KHDRBS2: variants seen among roughly 807,000 people sequenced by gnomAD.
KHDRBS2 encodes KH RNA binding domain containing, signal transduction associated 2, also known as KH domain-containing, RNA-binding, signal transduction-associated protein 2.
KHDRBS2 carries 26 observed loss-of-function variants against 44.3 expected under a neutral mutation model. That is an observed-to-expected ratio of 0.59 (90% CI 0.43 to 0.81). The LOEUF is 0.81. KHDRBS2 is among the 40% of genes least tolerant of loss of function. The probability of loss-of-function intolerance (pLI) is 0.00; values close to 1 mark genes in which losing one functional copy is unlikely to be tolerated. For synonymous variants in KHDRBS2, 194 were observed against 151.1 expected, an observed-to-expected ratio of 1.28 and a Z score of -2.08; for missense variants, 476 against 433.1, an observed-to-expected ratio of 1.10 and a Z score of -0.88.
At chr6:62,151,226 C>T (rs1391102568) in intron 2 of KHDRBS2, among the ~76,000 whole-genome samples, 1 of 152,118 alleles carries the variant, frequency 6.6e-6, no homozygotes, top group East Asian at 1.9e-4. Context: ...CATAAGAACA[C>T]AAGGCTAAAA....
chr6:61,678,406 G>A (rs1936661923), downstream of KHDRBS2, among the ~76,000 whole-genome samples: 1 of 151,968 alleles, frequency 6.6e-6, no homozygotes, highest in Admixed American at 6.6e-5. Flanking sequence ...TTACTGATCA[G>A]TCTAATGGGA....
chr6:61,877,706 A>G (rs1332478855), intron 6 of KHDRBS2, among the ~76,000 whole-genome samples: 5 of 151,940 alleles, frequency 3.3e-5, no homozygotes, highest in African/African-American at 1.2e-4. Context: ...GGTGTAAAAA[A>G]CCACTGTGTT....
At chr6:61,691,576 G>T (rs1380740718) in intron 8 of KHDRBS2, among the ~76,000 whole-genome samples, 1 of 151,838 alleles carries the variant, frequency 6.6e-6, no homozygotes, top group African/African-American at 2.4e-5. Context: ...TAAATTATTT[G>T]CATATATTAT....
chr6:61,771,679 T>C (rs1161601814), intron 6 of KHDRBS2, among the ~76,000 whole-genome samples: 1 of 152,156 alleles, frequency 6.6e-6, no homozygotes, highest in African/African-American at 2.4e-5. Context: ...GCACCCAGAT[T>C]CATAAAGCAA....
intron 7 of KHDRBS2, among the ~76,000 whole-genome samples, chr6:61,719,528 A>T (rs1772008289): frequency 6.6e-6 from 1 of 152,124 alleles, no homozygotes; most frequent in African/African-American, 2.4e-5. Flanking sequence ...AAAGGTGTTA[A>T]TCCCAGGATG....
chr6:62,041,402 T>C (rs749082520), intron 3 of KHDRBS2, among the ~76,000 whole-genome samples: 15 of 152,104 alleles, frequency 9.9e-5, no homozygotes, highest in Non-Finnish European at 2.1e-4. Flanking sequence ...CCATCCTCAG[T>C]GGTAGAAAAG....
At chr6:62,259,071 G>T (rs1245735718) in intron 1 of KHDRBS2, among the ~76,000 whole-genome samples, 1 of 151,996 alleles carries the variant, frequency 6.6e-6, no homozygotes, top group Non-Finnish European at 1.5e-5. Context: ...AGCAAAAGAG[G>T]ATGTATTTCA....
chr6:61,999,733 A>G (rs946280825), intron 3 of KHDRBS2, among the ~76,000 whole-genome samples: 1 of 152,142 alleles, frequency 6.6e-6, no homozygotes, highest in African/African-American at 2.4e-5. Context: ...AAAGCCAGAG[A>G]AAAGCTGTTA....
At chr6:61,999,954 A>C (rs1417095839) in intron 3 of KHDRBS2, among the ~76,000 whole-genome samples, 1 of 152,200 alleles carries the variant, frequency 6.6e-6, no homozygotes, top group Non-Finnish European at 1.5e-5. Flanking sequence ...TCCCACTACT[A>C]TAATAGCAAA....
At chr6:61,795,338 A>G (rs1027259375) in intron 6 of KHDRBS2, among the ~76,000 whole-genome samples, 2 of 152,084 alleles carry the variant, frequency 1.3e-5, no homozygotes, top group African/African-American at 4.8e-5. Context: ...AAAACCCAAC[A>G]CAAAAAGCAC....
At chr6:61,835,637 A>G (rs1792525842) in intron 6 of KHDRBS2, among the ~76,000 whole-genome samples, 2 of 151,882 alleles carry the variant, frequency 1.3e-5, no homozygotes, top group South Asian at 4.1e-4. Context: ...CTTACAATAT[A>G]ATATTTCATT....
At chr6:61,738,887 A>G (rs566007351) in intron 6 of KHDRBS2, among the ~76,000 whole-genome samples, 98 of 152,030 alleles carry the variant, frequency 6.4e-4, no homozygotes, top group Middle Eastern at 3.4e-3. Context: ...ATCAGATGTT[A>G]TATTAACCAC....
intron 2 of KHDRBS2, among the ~76,000 whole-genome samples, chr6:62,119,361 A>C (rs192607036): frequency 6.2e-4 from 94 of 152,332 alleles, no homozygotes; most frequent in African/African-American, 2.2e-3. Context: ...TTCGCTGGAC[A>C]AAGTGATGGA....
chr6:61,981,898 T>C (rs1411533235), intron 3 of KHDRBS2, among the ~76,000 whole-genome samples: 3 of 152,212 alleles, frequency 2.0e-5, no homozygotes. Context: ...TTCCTAGGAA[T>C]TGGTCAATAA....
At chr6:61,954,980 A>ATGTG (rs1259455593) in intron 4 of KHDRBS2, among the ~76,000 whole-genome samples, 1 of 65,390 alleles carries the variant, frequency 1.5e-5, no homozygotes, top group African/African-American at 8.3e-5. Flanking sequence ...ATACATATGT[A>ATGTG]TGTGTATACA....
intron 2 of KHDRBS2, among the ~76,000 whole-genome samples, chr6:62,154,534 A>T (rs1815946245): frequency 6.6e-6 from 1 of 152,176 alleles, no homozygotes; most frequent in African/African-American, 2.4e-5. Context: ...AGCCATCTCA[A>T]TCTCTGCTCA....
chr6:62,126,662 A>G (rs1398568945), intron 2 of KHDRBS2, among the ~76,000 whole-genome samples: 2 of 152,188 alleles, frequency 1.3e-5, no homozygotes, highest in African/African-American at 4.8e-5. Context: ...GGGGAAAAGT[A>G]AGGGAAGGAC....
intron 3 of KHDRBS2, among the ~76,000 whole-genome samples, chr6:62,038,164 G>A (rs1454516526): frequency 1.3e-5 from 2 of 151,958 alleles, no homozygotes; most frequent in African/African-American, 4.8e-5. Context: ...TGGTCCAATC[G>A]TTGTGTTTAC....
In KHDRBS2 at chr6:61,945,306, A is replaced by G. The variant is rs188510704; in HGVS notation, c.483+32760T>C. On this transcript the variant is annotated intron_variant, in intron 4 of 8. Transcript: ENST00000281156. ...AATAAAACAGGATTACCTTATTTAG[A>G]TCATTTATGAAAATTTTCATAAACA... Among the ~76,000 whole-genome samples the G allele has an allele frequency of 1.4e-3, 205 of 151,042 alleles. 1 individual carries two copies. The highest frequency in any genetic ancestry group is 4.7e-3 in the African/African-American group (193 of 41,316).
Sources: gnomAD v4.1 joint callset for allele counts (sites outside exome capture counted in the v4.1 genomes callset) on GRCh38, gnomAD v4.1.1 for gene constraint, MANE v1.5 for transcripts, NCBI Gene and HGNC (gene_info 2026-07-23, HGNC 2026-07-21) for gene names.